TSPO: variants seen among roughly 807,000 people sequenced by gnomAD.
TSPO encodes translocator protein, also known as benzodiazepine peripheral binding site.
Under a neutral mutation model 13.9 loss-of-function variants are expected in TSPO, and 14 were observed. That is an observed-to-expected ratio of 1.01 (90% CI 0.67 to 1.58). The LOEUF (loss-of-function observed/expected upper bound fraction) is 1.58, where lower values mean the gene tolerates loss of function less well. TSPO is among the 40% of genes most tolerant of loss of function. The pLI, the probability that TSPO is intolerant of heterozygous loss-of-function variation, is 0.00. For synonymous variants in TSPO, 114 were observed against 105.9 expected, an observed-to-expected ratio of 1.08 and a Z score of -0.47; for missense variants, 232 against 229.6, an observed-to-expected ratio of 1.01 and a Z score of -0.07.
At chr22:43,155,381 G>C (rs1415793458) in intron 1 of TSPO, among the ~76,000 whole-genome samples, 2 of 152,186 alleles carry the variant, frequency 1.3e-5, no homozygotes, top group Non-Finnish European at 2.9e-5. Context: ...AGCAAGGCTT[G>C]GAACCTTCTC....
At chr22:43,161,365 C>T (rs574646673) in intron 3 of TSPO, among the ~76,000 whole-genome samples, 175 bp downstream of exon 3, 16 of 152,164 alleles carry the variant, frequency 1.1e-4, no homozygotes, top group South Asian at 6.2e-4. Flanking sequence ...CTGACTCCTC[C>T]GGTGAGGGAA....
At chr22:43,155,638 TC>T (rs921250421) in intron 1 of TSPO, among the ~76,000 whole-genome samples, 2 of 151,908 alleles carry the variant, frequency 1.3e-5, no homozygotes, top group African/African-American at 4.8e-5. Flanking sequence ...TCCCACCCCT[TC>T]CTCCCTTGAG....
At chr22:43,159,091 T>G (rs926334274) in intron 1 of TSPO, 119 bp from the exon 2 acceptor site, 9 of 793,080 alleles carry the variant, frequency 1.1e-5, no homozygotes, top group African/African-American at 1.8e-5. Context: ...TCTCTGCGCC[T>G]CCTGATCAGC....
At chr22:43,153,974 C>G (rs536281496) in intron 1 of TSPO, among the ~76,000 whole-genome samples, 18 of 151,992 alleles carry the variant, frequency 1.2e-4, no homozygotes, top group Admixed American at 9.2e-4. Context: ...TTATTTTTTA[C>G]TAAAAAAAAG....
chr22:43,153,096 CCTT>C (rs869227265), intron 1 of TSPO, among the ~76,000 whole-genome samples: 14 of 88,942 alleles, frequency 1.6e-4, no homozygotes, highest in Non-Finnish European at 2.1e-4. Context: ...TTCCTTCCTT[CCTT>C]CTTTCCTTTC....
At chr22:43,162,639 T>G (rs1217951581) in intron 3 of TSPO, among the ~76,000 whole-genome samples, 164 bp from the exon 4 acceptor site, 1 of 152,184 alleles carries the variant, frequency 6.6e-6, no homozygotes, top group Non-Finnish European at 1.5e-5. Flanking sequence ...ATGAGGAAAC[T>G]GAGGCTGCGA....
chr22:43,161,107 GT>G lies in TSPO; in HGVS notation c.240del (p.Leu82TrpfsTer10). 2 of 1,614,210 alleles carry G rather than the reference GT, an allele frequency of 1.2e-6. No homozygotes were observed. Among genetic ancestry groups the G allele is most frequent in the South Asian group, 2.2e-5 (2 of 91,086 alleles). ...ELGGFTEKAV[V>X]PLGLYTGQLA... Reference sequence around the variant, plus strand: ...GGGAGGCTTCACAGAGAAGGCTGTGGTTCCCCTGGGCCTCTACACTGGGCAG... The same window carrying G: ...GGGAGGCTTCACAGAGAAGGCTGTGGTCCCCTGGGCCTCTACACTGGGCAG... On this transcript the variant is annotated frameshift_variant, in exon 3 of 4. Transcript: ENST00000337554. LOFTEE classifies it high-confidence loss of function.
At chr22:43,154,748 G>A (rs1018381819) in intron 1 of TSPO, among the ~76,000 whole-genome samples, 3 of 152,126 alleles carry the variant, frequency 2.0e-5, no homozygotes, top group Non-Finnish European at 4.4e-5. Context: ...GGGACACAGA[G>A]GCTCAGGAGA....
intron 1 of TSPO, among the ~76,000 whole-genome samples, chr22:43,154,001 C>T (rs148146652): frequency 1.3e-5 from 2 of 152,222 alleles, no homozygotes; most frequent in East Asian, 3.9e-4. Context: ...CCCCGAACCT[C>T]GAAGGAAAGG....
Position 43,163,129 on chromosome 22 carries a change from G to A in TSPO, c.*138G>A. On this transcript the variant is annotated 3_prime_UTR_variant, in exon 4 of 4. Transcript: ENST00000337554. ...CCCAGGGGTCAGCAGAGCTTCAGAGGTGGCCCCACCTGAGCCCCCACCCGG... is the reference window on the plus strand; with the variant it reads ...CCCAGGGGTCAGCAGAGCTTCAGAGATGGCCCCACCTGAGCCCCCACCCGG... 1 of 1,487,894 alleles carries A rather than the reference G, an allele frequency of 6.7e-7. No individual in the cohort carries two copies. Among genetic ancestry groups the A allele is most frequent in the African/African-American group, 1.4e-5 (1 of 71,850 alleles). 92.2% of individuals were successfully genotyped at this position (1,487,894 alleles called of 1,614,324 possible).
chr22:43,163,022 C>T lies in TSPO; in HGVS notation c.*31C>T, dbSNP rs756525698. ...CGGCCCACCAGGGACTGCAGCTGCA[C>T]CAGCAGGTGCCATCACGCTTGTGAT... On this transcript the variant is annotated 3_prime_UTR_variant, in exon 4 of 4. Transcript: ENST00000337554. The T allele has an allele frequency of 1.3e-6, 2 of 1,574,704 alleles. No individual in the cohort carries two copies. Among genetic ancestry groups the T allele is most frequent in the East Asian group, 2.3e-5 (1 of 42,660 alleles).
At chr22:43,160,817 G>A (rs1931410821) in intron 2 of TSPO, among the ~76,000 whole-genome samples, 1 of 152,222 alleles carries the variant, frequency 6.6e-6, no homozygotes, top group South Asian at 2.1e-4. Context: ...ATAATGGCAG[G>A]TATTTACTGA....
intron 1 of TSPO, among the ~76,000 whole-genome samples, chr22:43,153,486 G>A (rs1486016287): frequency 1.2e-5 from 1 of 81,744 alleles, no homozygotes; most frequent in Non-Finnish European, 2.6e-5. Context: ...CGAGTAGCTG[G>A]GACTACAGGC....
intron 2 of TSPO, among the ~76,000 whole-genome samples, chr22:43,160,097 A>C (rs967733879): frequency 6.6e-6 from 1 of 152,176 alleles, no homozygotes; most frequent in Non-Finnish European, 1.5e-5. Flanking sequence ...GGCGGATAGC[A>C]GAGGCCAGGC....
At chr22:43,157,666 C>T (rs948122836) in intron 1 of TSPO, among the ~76,000 whole-genome samples, 4 of 152,156 alleles carry the variant, frequency 2.6e-5, no homozygotes, top group African/African-American at 9.7e-5. Context: ...CCTGTCTCTA[C>T]TAACAATACA....
chr22:43,157,492 A>G (rs1402290606), intron 1 of TSPO, among the ~76,000 whole-genome samples: 1 of 152,166 alleles, frequency 6.6e-6, no homozygotes, highest in African/African-American at 2.4e-5. Context: ...AGGGAATCAT[A>G]GTAAGTGGCA....
At chr22:43,158,747 G>T (rs1026533121) in intron 1 of TSPO, among the ~76,000 whole-genome samples, 1 of 152,220 alleles carries the variant, frequency 6.6e-6, no homozygotes, top group East Asian at 1.9e-4. Context: ...TTTGCCTGAG[G>T]TCACAGTGAG....
intron 1 of TSPO, among the ~76,000 whole-genome samples, chr22:43,157,657 C>G (rs1931296200): frequency 2.0e-5 from 3 of 152,154 alleles, no homozygotes; most frequent in African/African-American, 7.2e-5. Context: ...TGGTGAAACC[C>G]TGTCTCTACT....
At chr22:43,158,331 G>GC (rs1268861564) in intron 1 of TSPO, among the ~76,000 whole-genome samples, 1 of 152,222 alleles carries the variant, frequency 6.6e-6, no homozygotes, top group Non-Finnish European at 1.5e-5. Flanking sequence ...CCAGCCCTGT[G>GC]CCCCCCTGGG....
Sources: allele counts gnomAD v4.1 joint callset (sites outside exome capture counted in the v4.1 genomes callset), GRCh38; gene constraint gnomAD v4.1.1; transcripts MANE v1.5; gene names NCBI Gene and HGNC (gene_info 2026-07-23, HGNC 2026-07-21).